ELOVL6: variants seen among roughly 807,000 people sequenced by gnomAD.
The protein encoded by ELOVL6 is ELOVL fatty acid elongase 6, also known as very long chain fatty acid elongase 6.
Under a neutral mutation model 31.7 loss-of-function variants are expected in ELOVL6, and 8 were observed. The ratio of observed to expected loss-of-function variants is 0.25; its 90% CI spans 0.15 to 0.45. The LOEUF (loss-of-function observed/expected upper bound fraction) is 0.45. Among genes scored for constraint, ELOVL6 ranks in the 20% least tolerant of loss-of-function variants. The probability of loss-of-function intolerance (pLI) is 1.00; values close to 1 mark genes in which losing one functional copy is unlikely to be tolerated. For synonymous variants in ELOVL6, 101 were observed against 117.7 expected (o/e 0.86, Z 0.92); for missense variants, 126 against 326.4 (o/e 0.39, Z 4.73).
rs1022540183 is a variant in ELOVL6 at position 110,114,615 on chromosome 4, G to T, written c.90-8987C>A. Among the ~76,000 whole-genome samples, 6 of 152,172 alleles carry T rather than the reference G, an allele frequency of 3.9e-5. No homozygotes were observed. In the East Asian group the frequency reaches 5.8e-4, roughly 15 times the overall value. On this transcript the variant is annotated intron_variant, in intron 1 of 3. Transcript: ENST00000302274. ...TGAAGCCACTCATCCTTCCCCTATGGATGACCAACACCCTTTCAAACTAAC... is the reference window on the plus strand; with the variant it reads ...TGAAGCCACTCATCCTTCCCCTATGTATGACCAACACCCTTTCAAACTAAC...
chr4:110,148,147 T>C (rs1045144057), intron 1 of ELOVL6, among the ~76,000 whole-genome samples: 1 of 147,954 alleles, frequency 6.8e-6, no homozygotes, highest in African/African-American at 2.5e-5. Flanking sequence ...AATCATCCCA[T>C]TAACAAGTGG....
At chr4:110,125,283 T>C (rs1477200751) in intron 1 of ELOVL6, among the ~76,000 whole-genome samples, 2 of 152,140 alleles carry the variant, frequency 1.3e-5, no homozygotes, top group African/African-American at 2.4e-5. Flanking sequence ...AAACCATCAT[T>C]AAGTAAAAAC....
chr4:110,091,726 C>T (rs1337118414), intron 2 of ELOVL6, among the ~76,000 whole-genome samples: 2 of 151,610 alleles, frequency 1.3e-5, no homozygotes, highest in Admixed American at 6.6e-5. Flanking sequence ...GTCAATGGTG[C>T]TCATCCACAT....
intron 1 of ELOVL6, among the ~76,000 whole-genome samples, chr4:110,106,477 G>C (rs1403370082): frequency 6.6e-6 from 1 of 152,200 alleles, no homozygotes; most frequent in Admixed American, 6.5e-5. Flanking sequence ...CCCAGGAACA[G>C]AACTGAGGGT....
At chr4:110,170,769 TCAA>T (rs1478966767) in intron 1 of ELOVL6, among the ~76,000 whole-genome samples, 1 of 152,186 alleles carries the variant, frequency 6.6e-6, no homozygotes, top group Admixed American at 6.6e-5. Flanking sequence ...TGTCAACAAA[TCAA>T]CAATATATTA....
chr4:110,071,278 T>C (rs1395989260), intron 2 of ELOVL6, among the ~76,000 whole-genome samples: 2 of 152,206 alleles, frequency 1.3e-5, no homozygotes, highest in East Asian at 1.9e-4. Context: ...AAGATGTTCA[T>C]AGTTGTCCAC....
chr4:110,050,734 G>C lies in ELOVL6; in HGVS notation c.*604C>G, dbSNP rs1060855. The C allele has an allele frequency of 0.08, 12,199 of 153,438 alleles. 525 individuals carry two copies. Among genetic ancestry groups the C allele is most frequent in the Middle Eastern group, 0.1 (30 of 294 alleles). 9.5% of individuals were successfully genotyped at this position (153,438 alleles called of 1,614,324 possible). A position where few individuals can be genotyped will look rare whatever the true frequency, so the allele number is the denominator to read the frequency against. ...AGATGAAGTTAGTTGAAATATAGTTGTTTACATCTGTTTTCATAAGGATGA... is the reference window on the plus strand; with the variant it reads ...AGATGAAGTTAGTTGAAATATAGTTCTTTACATCTGTTTTCATAAGGATGA... On this transcript the variant is annotated 3_prime_UTR_variant, in exon 4 of 4. Transcript: ENST00000302274.
At chr4:110,106,701 T>C (rs764526412) in intron 1 of ELOVL6, among the ~76,000 whole-genome samples, 1 of 152,184 alleles carries the variant, frequency 6.6e-6, no homozygotes, top group Non-Finnish European at 1.5e-5. Flanking sequence ...TTGTGACCCG[T>C]ATCTTGTGCC....
chr4:110,104,779 T>C (rs940995994), intron 2 of ELOVL6, among the ~76,000 whole-genome samples: 20 of 152,284 alleles, frequency 1.3e-4, no homozygotes, highest in African/African-American at 4.8e-4. Context: ...ACCAGCTGGG[T>C]GCTAATTAGT....
At chr4:110,121,719 T>A (rs1228694726) in intron 1 of ELOVL6, among the ~76,000 whole-genome samples, 5 of 152,138 alleles carry the variant, frequency 3.3e-5, no homozygotes, top group Non-Finnish European at 7.4e-5. Flanking sequence ...TAGTAGTTTT[T>A]ATCATCCCTT....
intron 1 of ELOVL6, among the ~76,000 whole-genome samples, chr4:110,130,426 A>G (rs1361133618): frequency 6.6e-6 from 1 of 152,164 alleles, no homozygotes; most frequent in Non-Finnish European, 1.5e-5. Flanking sequence ...ACCATAAGAC[A>G]GCGGGGAAAC....
chr4:110,180,421 C>T (rs1360204396), intron 1 of ELOVL6, among the ~76,000 whole-genome samples: 1 of 152,106 alleles, frequency 6.6e-6, no homozygotes, highest in African/African-American at 2.4e-5. Flanking sequence ...CATTTTGTTG[C>T]CCAGGCTACT....
At chr4:110,052,663 A>G (rs1754865805) in intron 3 of ELOVL6, among the ~76,000 whole-genome samples, 1 of 152,232 alleles carries the variant, frequency 6.6e-6, no homozygotes, top group South Asian at 2.1e-4. Flanking sequence ...GCAATGCTTC[A>G]CTGAAAAGTT....
At chr4:110,064,509 G>A (rs1755242538) in intron 2 of ELOVL6, among the ~76,000 whole-genome samples, 2 of 151,938 alleles carry the variant, frequency 1.3e-5, no homozygotes, top group African/African-American at 2.4e-5. Flanking sequence ...TGTTGCACAG[G>A]CTGGAGTGCA....
At chr4:110,096,085 G>C (rs1048208410) in intron 2 of ELOVL6, among the ~76,000 whole-genome samples, 1 of 152,156 alleles carries the variant, frequency 6.6e-6, no homozygotes, top group Admixed American at 6.5e-5. Flanking sequence ...GCAGTTAATT[G>C]TCAAATAATC....
rs1578289064 is a variant in ELOVL6 at position 110,186,845 on chromosome 4, T to TA, written c.89+11401_89+11402insT. ...AAAATATATATATATATATATATAT[T>TA]TATATATATACACACACAAATATAT... On this transcript the variant is annotated intron_variant, in intron 1 of 3. Transcript: ENST00000302274. Among the ~76,000 whole-genome samples the TA allele has an allele frequency of 4.8e-5, 6 of 124,374 alleles. No homozygotes were observed. The East Asian group carries it at 7.1e-4, about 15-fold the overall frequency. 81.6% of individuals were successfully genotyped at this position (124,374 alleles called of 152,430 possible). A position where few individuals can be genotyped will look rare whatever the true frequency, so the allele number is the denominator to read the frequency against.
chr4:110,084,048 GCT>G lies in ELOVL6; in HGVS notation c.221+21447_221+21448del, dbSNP rs1286961836. ...ATGCCATATATGGTATATAACACAT[GCT>G]ATATATGATATATAACATATATATG... is the stretch of plus-strand genomic sequence containing the variant. On this transcript the variant is annotated intron_variant, in intron 2 of 3. Transcript: ENST00000302274. Among the ~76,000 whole-genome samples the G allele has an allele frequency of 1.8e-3, 71 of 40,362 alleles. 1 individual carries two copies. The highest frequency in any genetic ancestry group is 0.011 in the South Asian group (10 of 948). The allele number at this position is 40,362 out of a possible 152,430, so 26.5% of individuals were successfully genotyped here.
intron 1 of ELOVL6, among the ~76,000 whole-genome samples, chr4:110,185,618 A>G (rs1759414517): frequency 6.6e-6 from 1 of 152,204 alleles, no homozygotes; most frequent in Non-Finnish European, 1.5e-5. Context: ...AATGGCTTAG[A>G]AAAGAAGGCC....
intron 1 of ELOVL6, among the ~76,000 whole-genome samples, chr4:110,190,608 G>A (rs748452249): frequency 6.6e-5 from 10 of 152,038 alleles, no homozygotes; most frequent in Non-Finnish European, 1.5e-4. Context: ...GGGTTCAAGC[G>A]ATTCTCCTGC....
Sources: allele counts gnomAD v4.1 joint callset (sites outside exome capture counted in the v4.1 genomes callset), GRCh38; gene constraint gnomAD v4.1.1; transcripts MANE v1.5; gene names NCBI Gene and HGNC (gene_info 2026-07-23, HGNC 2026-07-21).